The following CACNA1E variants were observed in gnomAD, a reference collection of about 807,000 sequenced individuals.
CACNA1E encodes calcium voltage-gated channel subunit alpha1 E, also known as voltage-dependent R-type calcium channel subunit alpha-1E.
In CACNA1E, 40 loss-of-function variants were observed where a neutral mutation model predicts 259.2. That is an observed-to-expected ratio of 0.15 (90% CI 0.12 to 0.20). The LOEUF (loss-of-function observed/expected upper bound fraction) is 0.20, where lower values mean the gene tolerates loss of function less well. Among genes scored for constraint, CACNA1E ranks in the 10% least tolerant of loss-of-function variants. The pLI, the probability that CACNA1E is intolerant of heterozygous loss-of-function variation, is 1.00. For missense variants in CACNA1E, 1,874 were observed against 3,040.1 expected, an observed-to-expected ratio of 0.62 and a Z score of 9.02; for synonymous variants, 1,104 against 1,138.5, an observed-to-expected ratio of 0.97 and a Z score of 0.61.
At chr1:181,543,957 C>A (rs188519479) in intron 3 of CACNA1E, among the ~76,000 whole-genome samples, 1 of 152,164 alleles carries the variant, frequency 6.6e-6, no homozygotes, top group Non-Finnish European at 1.5e-5. Flanking sequence ...TATGACCCAG[C>A]TATTTCACCT....
Position 181,733,629 on chromosome 1 carries a change from C to G in CACNA1E, c.3141C>G (p.Ser1047Arg), listed in dbSNP as rs757319688. The change falls in exon 21 of 48, where the codon AGC (serine) becomes AGG (arginine). Residue 1047 changes from serine (S) to arginine (R), a missense_variant. Physicochemically the swap from Ser to Arg is moderately radical, Grantham distance 110. Around this residue, in one of 14 missense-constraint regions of CACNA1E, gnomAD observed 476 missense variants for 514.0 expected, o/e 0.93. Transcript: ENST00000367573. ...NVQLDMGRVI[S>R]QSEPDLSCIT... ...AGCTAGACATGGGCCGGGTCATCAG[C>G]CAGAGCGAGCCTGACCTCTCCTGCA... 1 of 1,612,996 alleles carries G rather than the reference C, an allele frequency of 6.2e-7. No individual in the cohort carries two copies. Among genetic ancestry groups the G allele is most frequent in the Non-Finnish European group, 8.5e-7 (1 of 1,179,582 alleles).
chr1:181,761,881 CATTGT>C (rs1378318024), intron 32 of CACNA1E, among the ~76,000 whole-genome samples: 2 of 152,174 alleles, frequency 1.3e-5, no homozygotes, highest in African/African-American at 2.4e-5. Flanking sequence ...TCAGCCCACT[CATTGT>C]ATTACTGCTT....
chr1:181,679,370 C>A (rs2102250696), intron 7 of CACNA1E, among the ~76,000 whole-genome samples: 1 of 152,292 alleles, frequency 6.6e-6, no homozygotes, highest in Middle Eastern at 3.4e-3. Flanking sequence ...TCACTTGGGT[C>A]TCTCTTAATC....
Position 181,695,125 on chromosome 1 carries a change from A to C in CACNA1E, c.1056-15829A>C, listed in dbSNP as rs185457901. On this transcript the variant is annotated intron_variant, in intron 7 of 47. Transcript: ENST00000367573. ...TAAATTAACTAAAAATGGATGTTAAATATTTAAGGAATAACAAAAAAATCA... is the reference window on the plus strand; with the variant it reads ...TAAATTAACTAAAAATGGATGTTAACTATTTAAGGAATAACAAAAAAATCA... Among the ~76,000 whole-genome samples the C allele has an allele frequency of 2.0e-3, 308 of 152,304 alleles. 3 individuals are homozygous for C. The highest frequency in any genetic ancestry group is 7.1e-3 in the African/African-American group (294 of 41,562).
chr1:181,366,324 AG>A (rs1401430648), intron 1 of CACNA1E, among the ~76,000 whole-genome samples: 2 of 152,150 alleles, frequency 1.3e-5, no homozygotes, highest in Non-Finnish European at 2.9e-5. Flanking sequence ...CGCTGGCTCA[AG>A]GCAATGCAAT....
At chr1:181,462,870 A>G (rs1661910943) in intron 2 of CACNA1E, among the ~76,000 whole-genome samples, 1 of 152,206 alleles carries the variant, frequency 6.6e-6, no homozygotes, top group Non-Finnish European at 1.5e-5. Flanking sequence ...ACTCCATTGT[A>G]TAAATAAATC....
Position 181,750,473 on chromosome 1 carries a change from T to A in CACNA1E, c.3720-3T>A. 1 of 1,613,224 alleles carries A rather than the reference T, an allele frequency of 6.2e-7. No individual in the cohort carries two copies. Among genetic ancestry groups the A allele is most frequent in the Non-Finnish European group, 8.5e-7 (1 of 1,179,402 alleles). Reference sequence around the variant, plus strand: ...TACTGCTCTCTGATTGGATCCTCCATAGGAACGCTTTGGGGTAAATATGTT... The same window carrying A: ...TACTGCTCTCTGATTGGATCCTCCAAAGGAACGCTTTGGGGTAAATATGTT... On this transcript the variant is annotated splice_region_variant and splice_polypyrimidine_tract_variant and intron_variant, in intron 25 of 47. Transcript: ENST00000367573.
chr1:181,457,448 G>T (rs1440512762), intron 2 of CACNA1E, among the ~76,000 whole-genome samples: 1 of 152,228 alleles, frequency 6.6e-6, no homozygotes, highest in Non-Finnish European at 1.5e-5. Flanking sequence ...GTCAGCCAAG[G>T]AATACTGTCA....
At chr1:181,690,356 C>G (rs941075576) in intron 7 of CACNA1E, among the ~76,000 whole-genome samples, 3 of 152,124 alleles carry the variant, frequency 2.0e-5, no homozygotes, top group Non-Finnish European at 1.5e-5. Context: ...GGTACCAGTA[C>G]CATGCTGTTT....
intron 3 of CACNA1E, among the ~76,000 whole-genome samples, chr1:181,524,046 C>T (rs1321024894): frequency 5.3e-5 from 8 of 152,236 alleles, no homozygotes; most frequent in African/African-American, 1.9e-4. Context: ...CAGCAGGTGA[C>T]ACCCCAAGTC....
intron 3 of CACNA1E, among the ~76,000 whole-genome samples, chr1:181,529,336 A>G (rs1325635460): frequency 1.3e-5 from 2 of 152,224 alleles, no homozygotes; most frequent in African/African-American, 4.8e-5. Context: ...CCCAGGCAGA[A>G]GTTTGCTGCA....
At chr1:181,639,162 A>G (rs761184396) in intron 6 of CACNA1E, among the ~76,000 whole-genome samples, 2 of 150,812 alleles carry the variant, frequency 1.3e-5, no homozygotes, top group Non-Finnish European at 2.9e-5. Context: ...ATCTTGGCTC[A>G]CTGCAAGCTC....
intron 1 of CACNA1E, among the ~76,000 whole-genome samples, chr1:181,375,306 G>A (rs1655024186): frequency 6.6e-6 from 1 of 152,170 alleles, no homozygotes; most frequent in East Asian, 1.9e-4. Context: ...AATATTTATA[G>A]AATGTGCACA....
intron 21 of CACNA1E, among the ~76,000 whole-genome samples, chr1:181,735,355 G>T (rs1360013918): frequency 6.6e-6 from 1 of 152,260 alleles, no homozygotes; most frequent in African/African-American, 2.4e-5. Context: ...TGATAGGAAG[G>T]CTTTTGGATA....
At chr1:181,721,122 T>C (rs552487130) in intron 15 of CACNA1E, among the ~76,000 whole-genome samples, 4 of 152,210 alleles carry the variant, frequency 2.6e-5, no homozygotes, top group Non-Finnish European at 5.9e-5. Context: ...ACACTGAGTC[T>C]GAGGCATTCA....
At position 181,732,594 on chromosome 1, in the gene CACNA1E, G is replaced by A. The variant is rs773464828; in HGVS notation, c.2508G>A (p.Leu836=). The change falls in exon 20 of 48, where the codon CTG becomes CTA. Residue 836 remains leucine (L), a synonymous_variant. Transcript: ENST00000367573. The surrounding 1 kb of genome is among the most constrained non-coding windows in gnomAD (Gnocchi z 5.5). ...LYRRPRAIEG[L]ALGLALEKFE... ...GGCGACCCAGGGCCATTGAGGGCCT[G>A]GCCCTGGGCCTGGCCCTGGAGAAGT... The A allele has an allele frequency of 6.6e-7, 1 of 1,504,476 alleles. No individual in the cohort carries two copies. Among genetic ancestry groups the A allele is most frequent in the Admixed American group, 2.4e-5 (1 of 41,514 alleles). 93.2% of individuals were successfully genotyped at this position (1,504,476 alleles called of 1,614,324 possible). A position where few individuals can be genotyped will look rare whatever the true frequency, so the allele number is the denominator to read the frequency against.
chr1:181,523,542 G>A (rs538733626), intron 3 of CACNA1E, among the ~76,000 whole-genome samples: 25 of 152,138 alleles, frequency 1.6e-4, no homozygotes, highest in South Asian at 1.5e-3. Context: ...CTGTGGTTGT[G>A]GGCAAGTGAC....
At chr1:181,551,640 A>G (rs115054013) in intron 3 of CACNA1E, among the ~76,000 whole-genome samples, 1,624 of 152,234 alleles carry the variant, frequency 0.011, 24 homozygotes, top group Non-Finnish European at 0.019. Flanking sequence ...AGCTCTGTGC[A>G]GGGGAGAGTG....
chr1:181,674,812 C>G (rs1199146453), intron 7 of CACNA1E, among the ~76,000 whole-genome samples: 1 of 152,156 alleles, frequency 6.6e-6, no homozygotes, highest in Non-Finnish European at 1.5e-5. Flanking sequence ...CTCTGTGGAC[C>G]AAACAAGCAT....
Sources: gnomAD v4.1 joint callset for allele counts (sites outside exome capture counted in the v4.1 genomes callset) on GRCh38, gnomAD v4.1.1 for gene constraint, gnomAD v4.1.1 regional missense constraint, Gnocchi (gnomAD v3.1) non-coding constraint, MANE v1.5 for transcripts, NCBI Gene and HGNC (gene_info 2026-07-23, HGNC 2026-07-21) for gene names.